The following NLGN4Y variants were observed in gnomAD, a reference collection of about 807,000 sequenced individuals.
NLGN4Y encodes neuroligin-4, Y-linked.
NLGN4Y carries 4 observed loss-of-function variants against 8.4 expected under a neutral mutation model. The ratio of observed to expected loss-of-function variants is 0.48; its 90% CI spans 0.23 to 1.09. The LOEUF (loss-of-function observed/expected upper bound fraction) is 1.09. Among genes scored for constraint, NLGN4Y ranks in the 50% least tolerant of loss-of-function variants. The pLI is 0.19. For missense variants in NLGN4Y, 90 were observed against 192.3 expected, an observed-to-expected ratio of 0.47 and a Z score of 3.15; for synonymous variants, 35 against 75.6, an observed-to-expected ratio of 0.46 and a Z score of 2.78.
At chrY:14,772,076 A>AAG in intron 4 of NLGN4Y, among the ~76,000 whole-genome samples, 2 of 33,693 alleles carry the variant, frequency 5.9e-5, no homozygotes, top group Admixed American at 5.4e-4. Flanking sequence ...GGCAGAACTA[A>AAG]AGGAGATAGA....
chrY:14,700,878 A>G (rs2080845672), intron 2 of NLGN4Y, among the ~76,000 whole-genome samples: 1 of 33,249 alleles, frequency 3.0e-5, no homozygotes, highest in South Asian at 6.8e-4. Context: ...AGACCACTGG[A>G]ATAGGAGTAA....
intron 4 of NLGN4Y, among the ~76,000 whole-genome samples, chrY:14,797,082 GTT>G (rs2043014690): frequency 3.0e-5 from 1 of 32,798 alleles, no homozygotes; most frequent in Non-Finnish European, 7.4e-5. Context: ...TTGCCATCTT[GTT>G]TGACATGTTC....
At chrY:14,691,447 T>G (rs959307236) in intron 2 of NLGN4Y, among the ~76,000 whole-genome samples, 47 of 33,624 alleles carry the variant, frequency 1.4e-3, no homozygotes, top group African/African-American at 5.4e-3. Flanking sequence ...TCTATCATAT[T>G]GACTCCATAT....
intron 4 of NLGN4Y, among the ~76,000 whole-genome samples, chrY:14,751,047 G>T (rs758182709): frequency 6.0e-5 from 2 of 33,281 alleles, no homozygotes; most frequent in South Asian, 1.3e-3. Context: ...ATTACTTTCC[G>T]ATGTGTTCTT....
Position 14,622,093 on chromosome Y carries a change from C to A in NLGN4Y, c.-27C>A. 1 of 362,339 alleles carries A rather than the reference C, an allele frequency of 2.8e-6. No homozygotes were observed. Among genetic ancestry groups the A allele is most frequent in the Non-Finnish European group, 4.0e-6 (1 of 250,267 alleles). 90.4% of individuals were successfully genotyped at this position (362,339 alleles called of 400,897 possible). On this transcript the variant is annotated 5_prime_UTR_variant, in exon 2 of 7. Coordinates refer to ENST00000684976, the MANE Select transcript of NLGN4Y (RefSeq NM_001365588.1). ...CCTTGGAGCCACCTCACTTAGACAGCTTCGGATGTGGATGCAGATTTGAAC... is the reference window on the plus strand; with the variant it reads ...CCTTGGAGCCACCTCACTTAGACAGATTCGGATGTGGATGCAGATTTGAAC...
intron 4 of NLGN4Y, among the ~76,000 whole-genome samples, chrY:14,775,939 C>T: frequency 3.1e-5 from 1 of 32,484 alleles, no homozygotes; most frequent in Admixed American, 3.0e-4. Flanking sequence ...GGGTGGTTCT[C>T]GGATTGCAAA....
At chrY:14,624,970 T>G in intron 2 of NLGN4Y, among the ~76,000 whole-genome samples, 2 of 33,739 alleles carry the variant, frequency 5.9e-5, no homozygotes, top group Non-Finnish European at 1.5e-4. Flanking sequence ...AATCTCTACT[T>G]TTTTTGTTTA....
intron 4 of NLGN4Y, among the ~76,000 whole-genome samples, chrY:14,797,129 G>C: frequency 3.1e-5 from 1 of 32,648 alleles, no homozygotes; most frequent in East Asian, 7.9e-4. Context: ...TAATATAACT[G>C]TATATTTTGT....
chrY:14,756,866 C>CATAT (rs145217639), intron 4 of NLGN4Y, among the ~76,000 whole-genome samples: 3 of 2,174 alleles, frequency 1.4e-3, no homozygotes, highest in African/African-American at 2.4e-3. Flanking sequence ...ATATTTTATA[C>CATAT]ATATATATAT....
At chrY:14,832,599 G>C in intron 6 of NLGN4Y, among the ~76,000 whole-genome samples, 1 of 33,844 alleles carries the variant, frequency 3.0e-5, no homozygotes, top group Non-Finnish European at 7.3e-5. Context: ...GACTGCCTAA[G>C]GAGGTCAAGA....
chrY:14,545,431 C>T, intron 1 of NLGN4Y, among the ~76,000 whole-genome samples: 2 of 33,304 alleles, frequency 6.0e-5, no homozygotes, highest in Non-Finnish European at 7.4e-5. Flanking sequence ...TCCACATCCT[C>T]TCCAGCACCT....
At chrY:14,713,901 A>AT (rs2080907140) in intron 2 of NLGN4Y, among the ~76,000 whole-genome samples, 3 of 34,077 alleles carry the variant, frequency 8.8e-5, no homozygotes, top group Admixed American at 2.7e-4. Context: ...GGAAATTGAG[A>AT]TTTTTTTAAT....
At chrY:14,795,681 T>C in intron 4 of NLGN4Y, among the ~76,000 whole-genome samples, 1 of 33,776 alleles carries the variant, frequency 3.0e-5, no homozygotes, top group Non-Finnish European at 7.3e-5. Context: ...ATCTTTTATT[T>C]CCTGCTTGAT....
At chrY:14,678,911 G>C in intron 2 of NLGN4Y, among the ~76,000 whole-genome samples, 2 of 32,601 alleles carry the variant, frequency 6.1e-5, no homozygotes, top group Admixed American at 2.9e-4. Flanking sequence ...GGGAAGCTGG[G>C]GTGGGAGAAT....
chrY:14,670,947 G>A, intron 2 of NLGN4Y, among the ~76,000 whole-genome samples: 1 of 33,267 alleles, frequency 3.0e-5, no homozygotes, highest in African/African-American at 1.2e-4. Context: ...AAAATGTCAA[G>A]AAATAAATTA....
chrY:14,801,940 A>G, intron 4 of NLGN4Y, among the ~76,000 whole-genome samples: 1 of 33,553 alleles, frequency 3.0e-5, no homozygotes, highest in Non-Finnish European at 7.4e-5. Context: ...GAATATGCAT[A>G]CAAATAACTT....
intron 1 of NLGN4Y, among the ~76,000 whole-genome samples, chrY:14,615,599 C>G (rs2080486163): frequency 6.0e-5 from 2 of 33,392 alleles, no homozygotes; most frequent in Admixed American, 5.4e-4. Context: ...TTCATCAATA[C>G]CTCGTTATTA....
upstream of NLGN4Y, chrY:14,523,067 T>C (rs974279007): frequency 3.0e-5 from 1 of 33,102 alleles, no homozygotes; most frequent in Non-Finnish European, 7.4e-5. Flanking sequence ...ATATTTGAGC[T>C]TCATTTCATC....
At chrY:14,551,496 A>C (rs2080192645) in intron 1 of NLGN4Y, among the ~76,000 whole-genome samples, 2 of 33,378 alleles carry the variant, frequency 6.0e-5, no homozygotes, top group Non-Finnish European at 1.5e-4. Context: ...TCAGCACCAC[A>C]TCACACTTAT....
Sources: allele counts gnomAD v4.1 joint callset (sites outside exome capture counted in the v4.1 genomes callset), GRCh38; gene constraint gnomAD v4.1.1; transcripts MANE v1.5; gene names NCBI Gene and HGNC (gene_info 2026-07-23, HGNC 2026-07-21).